Variants in SLC8A1 observed in about 807,000 individuals in gnomAD.
SLC8A1 encodes the protein sodium/calcium exchanger 1.
SLC8A1 carries 18 observed loss-of-function variants against 68.3 expected under a neutral mutation model. The observed-to-expected ratio is 0.26, with a 90% CI of 0.18 to 0.39. SLC8A1 has a LOEUF of 0.39. SLC8A1 is among the 10% of genes least tolerant of loss of function. The probability of loss-of-function intolerance (pLI) is 1.00; values close to 1 mark genes in which losing one functional copy is unlikely to be tolerated. For missense variants in SLC8A1, 985 were observed against 1,156.7 expected (o/e 0.85, Z 2.15); for synonymous variants, 475 against 415.5 (o/e 1.14, Z -1.74).
At chr2:40,329,892 A>C (rs987573350) in intron 2 of SLC8A1, among the ~76,000 whole-genome samples, 5 of 152,146 alleles carry the variant, frequency 3.3e-5, no homozygotes, top group Non-Finnish European at 7.4e-5. Flanking sequence ...AGAGGAAGGG[A>C]ATTTATGACC....
At chr2:40,438,521 G>A (rs553836765) in intron 1 of SLC8A1, among the ~76,000 whole-genome samples, 7 of 152,114 alleles carry the variant, frequency 4.6e-5, no homozygotes, top group African/African-American at 9.7e-5. Context: ...TGATTGACAC[G>A]TGGTCCCTGT....
At chr2:40,349,293 T>G (rs1670318364) in intron 2 of SLC8A1, among the ~76,000 whole-genome samples, 1 of 152,192 alleles carries the variant, frequency 6.6e-6, no homozygotes. Flanking sequence ...GCTCATTGGT[T>G]ACAGTCGACA....
chr2:40,208,720 CCTCTT>C (rs1309818324), intron 2 of SLC8A1, among the ~76,000 whole-genome samples: 1 of 152,158 alleles, frequency 6.6e-6, no homozygotes, highest in Non-Finnish European at 1.5e-5. Flanking sequence ...TCAGCAGTCT[CCTCTT>C]CTTACCACAA....
intron 2 of SLC8A1, among the ~76,000 whole-genome samples, chr2:40,267,835 G>T (rs1234338275): frequency 6.6e-6 from 1 of 152,160 alleles, no homozygotes; most frequent in African/African-American, 2.4e-5. Context: ...ACAAGGAACT[G>T]TTTTGCAGAG....
At chr2:40,372,620 C>G (rs1678493974) in intron 2 of SLC8A1, among the ~76,000 whole-genome samples, 1 of 151,996 alleles carries the variant, frequency 6.6e-6, no homozygotes, top group South Asian at 2.1e-4. Flanking sequence ...TTCTTTTGGC[C>G]TTTAGGCTAG....
At chr2:40,345,847 G>A (rs759222142) in intron 2 of SLC8A1, among the ~76,000 whole-genome samples, 30 of 151,826 alleles carry the variant, frequency 2.0e-4, no homozygotes, top group Non-Finnish European at 3.4e-4. Context: ...CCTGTCGGGC[G>A]GTGGAGGGCA....
intron 1 of SLC8A1, among the ~76,000 whole-genome samples, chr2:40,439,766 A>T (rs1700128386): frequency 1.3e-5 from 2 of 152,122 alleles, no homozygotes; most frequent in Non-Finnish European, 2.9e-5. Flanking sequence ...TTCAAATTAC[A>T]GTCCTTGAAA....
At chr2:40,306,455 G>T (rs551872357) in intron 2 of SLC8A1, among the ~76,000 whole-genome samples, 69 of 147,530 alleles carry the variant, frequency 4.7e-4, no homozygotes, top group African/African-American at 1.4e-3. Context: ...ATGGTTGTGG[G>T]GGGGGGCATA....
chr2:40,133,048 G>A (rs905008271), intron 7 of SLC8A1, among the ~76,000 whole-genome samples: 1 of 152,106 alleles, frequency 6.6e-6, no homozygotes, highest in Non-Finnish European at 1.5e-5. Context: ...TGAGATCCAT[G>A]CTGTTACTTA....
intron 2 of SLC8A1, among the ~76,000 whole-genome samples, chr2:40,395,349 A>G (rs910347275): frequency 2.0e-5 from 3 of 152,166 alleles, no homozygotes; most frequent in Non-Finnish European, 4.4e-5. Context: ...TATTCAGACC[A>G]CGAATTCCTG....
At chr2:40,402,628 T>A (rs1194194553) in intron 2 of SLC8A1, among the ~76,000 whole-genome samples, 9 of 152,190 alleles carry the variant, frequency 5.9e-5, no homozygotes, top group Admixed American at 3.9e-4. Context: ...TCAAATTTCC[T>A]TTGATTTTCT....
At chr2:40,410,659 T>A (rs1691833849) in intron 2 of SLC8A1, among the ~76,000 whole-genome samples, 2 of 152,164 alleles carry the variant, frequency 1.3e-5, no homozygotes, top group Admixed American at 6.6e-5. Context: ...ATCCAGCTAA[T>A]TAACGTATGC....
intron 2 of SLC8A1, among the ~76,000 whole-genome samples, chr2:40,313,908 A>C (rs770192278): frequency 4.0e-5 from 6 of 151,898 alleles, no homozygotes; most frequent in Non-Finnish European, 8.8e-5. Flanking sequence ...TTGAGCATTA[A>C]TTAAATATTC....
chr2:40,295,304 TG>T (rs1322851681), intron 2 of SLC8A1, among the ~76,000 whole-genome samples: 1 of 152,062 alleles, frequency 6.6e-6, no homozygotes, highest in Admixed American at 6.6e-5. Flanking sequence ...GGTCTTGCTA[TG>T]TTTCCCAGGC....
At position 40,426,726 on chromosome 2, in the gene SLC8A1, C is replaced by T. The variant is rs574856648; in HGVS notation, c.1808+1747G>A. On this transcript the variant is annotated intron_variant, in intron 2 of 7. Coordinates refer to ENST00000406785, the Ensembl canonical transcript of SLC8A1. Reference sequence around the variant, plus strand: ...GATTTAAGTTGTTTTAAGGGCTACCCTTATGAGTTCATTTAACGACATGAA... The same window carrying T: ...GATTTAAGTTGTTTTAAGGGCTACCTTTATGAGTTCATTTAACGACATGAA... Among the ~76,000 whole-genome samples, 5 of 152,036 alleles carry T rather than the reference C, an allele frequency of 3.3e-5. No individual in the cohort carries two copies. The South Asian group carries it at 1.0e-3, about 32-fold the overall frequency.
intron 1 of SLC8A1, among the ~76,000 whole-genome samples, chr2:40,435,052 G>A (rs1023940990): frequency 1.3e-5 from 2 of 152,118 alleles, no homozygotes; most frequent in Admixed American, 6.5e-5. Flanking sequence ...CAGAGCAAAG[G>A]CATATGCTGG....
At chr2:40,200,656 C>A (rs441802) in intron 2 of SLC8A1, among the ~76,000 whole-genome samples, 42,174 of 151,428 alleles carry the variant, frequency 0.28, 6,503 homozygotes, top group African/African-American at 0.39. Flanking sequence ...TGCCAACAAG[C>A]AGTCATCTTC....
chr2:40,242,148 G>A (rs532313163), intron 2 of SLC8A1, among the ~76,000 whole-genome samples: 10 of 151,644 alleles, frequency 6.6e-5, no homozygotes, highest in South Asian at 4.2e-4. Flanking sequence ...GTGTGTGTGC[G>A]TGTGTGTGTG....
rs558038656 is a variant in SLC8A1, at chr2:40,286,451, A to G, written c.1809-108596T>C. Among the ~76,000 whole-genome samples, 3 of 152,300 alleles carry G rather than the reference A, an allele frequency of 2.0e-5. No individual in the cohort carries two copies. In the South Asian group the frequency reaches 6.2e-4, roughly 32 times the overall value. ...TGCTTATGTTAAGACTACTACATGAATTTTATTTAAAATGCAATCCCTGAT... is the reference window on the plus strand; with the variant it reads ...TGCTTATGTTAAGACTACTACATGAGTTTTATTTAAAATGCAATCCCTGAT... On this transcript the variant is annotated intron_variant, in intron 2 of 7. Transcript: ENST00000406785.
Sources: allele counts gnomAD v4.1 joint callset (sites outside exome capture counted in the v4.1 genomes callset), GRCh38; gene constraint gnomAD v4.1.1; transcripts MANE v1.5; gene names NCBI Gene and HGNC (gene_info 2026-07-23, HGNC 2026-07-21).